Variants in MSRA observed in about 807,000 individuals in gnomAD.
The protein encoded by MSRA is mitochondrial peptide methionine sulfoxide reductase.
MSRA carries 54 observed loss-of-function variants against 31.3 expected under a neutral mutation model. That is an observed-to-expected ratio of 1.73 (90% CI 1.39 to 2.17). The LOEUF (loss-of-function observed/expected upper bound fraction) is 2.17. Ranked by LOEUF, MSRA falls within the 30% of genes most tolerant of loss-of-function variation. The probability of loss-of-function intolerance (pLI) is 0.00; values close to 1 mark genes in which losing one functional copy is unlikely to be tolerated. For missense variants in MSRA, 507 were observed against 300.9 expected (o/e 1.69, Z -5.07); for synonymous variants, 169 against 116.5 (o/e 1.45, Z -2.90).
intron 4 of MSRA, among the ~76,000 whole-genome samples, chr8:10,307,669 G>A (rs1801214478): frequency 6.6e-6 from 1 of 152,234 alleles, no homozygotes; most frequent in Non-Finnish European, 1.5e-5. Flanking sequence ...GATCTTGCCT[G>A]CTGCACAGTT....
chr8:10,168,005 G>C (rs1159268869), intron 1 of MSRA, among the ~76,000 whole-genome samples: 1 of 152,144 alleles, frequency 6.6e-6, no homozygotes, highest in Non-Finnish European at 1.5e-5. Flanking sequence ...GACTGTTTCT[G>C]ATCTTTATGA....
chr8:10,329,916 A>C (rs997454085), intron 5 of MSRA, among the ~76,000 whole-genome samples: 1 of 151,874 alleles, frequency 6.6e-6, no homozygotes, highest in Non-Finnish European at 1.5e-5. Flanking sequence ...TTTTACTGCT[A>C]TACTACTTCT....
At chr8:10,377,403 T>G (rs944781568) in intron 5 of MSRA, among the ~76,000 whole-genome samples, 2 of 152,250 alleles carry the variant, frequency 1.3e-5, no homozygotes, top group Non-Finnish European at 2.9e-5. Flanking sequence ...GCAGTCTTTT[T>G]CCATTAGCAG....
intron 5 of MSRA, among the ~76,000 whole-genome samples, chr8:10,343,342 G>A (rs1172213931): frequency 1.3e-5 from 2 of 152,222 alleles, no homozygotes; most frequent in African/African-American, 4.8e-5. Context: ...AACAATCCAT[G>A]CTGTACGTCA....
At chr8:10,148,826 G>C (rs1803393617) in intron 1 of MSRA, among the ~76,000 whole-genome samples, 2 of 46,938 alleles carry the variant, frequency 4.3e-5, no homozygotes, top group Non-Finnish European at 8.2e-5. Context: ...AGGAAACTCT[G>C]TCTCAAAAAA....
intron 5 of MSRA, chr8:10,320,432 C>T (rs1801984945): frequency 6.5e-6 from 1 of 153,254 alleles, no homozygotes; most frequent in African/African-American, 2.4e-5. Flanking sequence ...TGCACCACTG[C>T]ACTTCAGCCT....
chr8:10,380,537 C>G (rs538010063), intron 5 of MSRA, among the ~76,000 whole-genome samples: 1 of 152,260 alleles, frequency 6.6e-6, no homozygotes, highest in East Asian at 1.9e-4. Flanking sequence ...CCTGGTTAGC[C>G]CAAAGTAGAC....
intron 5 of MSRA, among the ~76,000 whole-genome samples, chr8:10,400,563 G>A (rs902352596): frequency 6.6e-6 from 1 of 152,186 alleles, no homozygotes; most frequent in Non-Finnish European, 1.5e-5. Context: ...CCTGCTTTCT[G>A]GGGCTGCTGC....
chr8:10,393,063 A>AG (rs1806864201), intron 5 of MSRA, among the ~76,000 whole-genome samples: 1 of 147,006 alleles, frequency 6.8e-6, no homozygotes, highest in Non-Finnish European at 1.5e-5. Context: ...CTCCGTCTCA[A>AG]AAAAAAAAAA....
At chr8:10,344,133 G>T (rs1382803135) in intron 5 of MSRA, among the ~76,000 whole-genome samples, 2 of 152,220 alleles carry the variant, frequency 1.3e-5, no homozygotes, top group African/African-American at 2.4e-5. Context: ...TCACCCAAAA[G>T]ATACTGGCTT....
At chr8:10,205,595 A>G (rs918504685) in intron 1 of MSRA, among the ~76,000 whole-genome samples, 4 of 152,158 alleles carry the variant, frequency 2.6e-5, no homozygotes, top group Admixed American at 6.5e-5. Context: ...GTCCTGGGAA[A>G]CCAACTACTG....
At chr8:10,350,103 T>A (rs563947741) in intron 5 of MSRA, among the ~76,000 whole-genome samples, 11 of 152,368 alleles carry the variant, frequency 7.2e-5, no homozygotes, top group South Asian at 6.2e-4. Context: ...TTTGGGGCAC[T>A]TCCTGTTCTT....
chr8:10,254,894 G>A lies in MSRA; in HGVS notation c.331+9671G>A, dbSNP rs142420466. 6.6e-5 allele frequency among the ~76,000 whole-genome samples: 10 copies of A among 152,368 alleles called. No homozygotes were observed. The East Asian group carries it at 1.9e-3, about 29-fold the overall frequency. On this transcript the variant is annotated intron_variant, in intron 3 of 5. Transcript: ENST00000317173. The stretch of plus-strand genomic sequence containing the variant: ...CTAGAGATCTGGAAGCGTTTAGATG[G>A]ATGTGATCTACAGAAACACGGGATT...
intron 5 of MSRA, among the ~76,000 whole-genome samples, chr8:10,420,653 C>G (rs1159814937): frequency 1.3e-5 from 2 of 152,014 alleles, no homozygotes; most frequent in Non-Finnish European, 2.9e-5. Context: ...CACAGGTGAT[C>G]CTGGCAGCAA....
chr8:10,400,056 G>T (rs1340790314), intron 5 of MSRA, among the ~76,000 whole-genome samples: 1 of 152,200 alleles, frequency 6.6e-6, no homozygotes, highest in Non-Finnish European at 1.5e-5. Flanking sequence ...AGCCATTTCA[G>T]TGTCTCTAAA....
At chr8:10,417,811 A>G (rs567964279) in intron 5 of MSRA, among the ~76,000 whole-genome samples, 1 of 100,280 alleles carries the variant, frequency 1.0e-5, no homozygotes, top group African/African-American at 3.7e-5. Flanking sequence ...CACGCAGGAC[A>G]AGCATAGCAT....
At chr8:10,083,119 C>G (rs1410655649) in intron 1 of MSRA, among the ~76,000 whole-genome samples, 1 of 152,136 alleles carries the variant, frequency 6.6e-6, no homozygotes, top group Non-Finnish European at 1.5e-5. Flanking sequence ...TGACTCTCAT[C>G]CAACTTATCA....
chr8:10,373,791 C>T lies in MSRA; in HGVS notation c.543+53802C>T, dbSNP rs554706767. 2.3e-4 allele frequency among the ~76,000 whole-genome samples: 35 copies of T among 152,328 alleles called. 1 individual carries two copies. The highest frequency in any genetic ancestry group is 6.7e-4 in the African/African-American group (28 of 41,582). ...CAGATGATGACCGCACTTTGGAGCC[C>T]AGCAGAGGAGCTTAGACCTGGTAGG... On this transcript the variant is annotated intron_variant, in intron 5 of 5. Coordinates refer to ENST00000317173, the MANE Select transcript of MSRA (RefSeq NM_012331.5).
intron 3 of MSRA, among the ~76,000 whole-genome samples, chr8:10,257,443 G>A (rs539851582): frequency 4.7e-4 from 71 of 152,210 alleles, no homozygotes; most frequent in African/African-American, 1.7e-3. Context: ...TTTCGCTCTT[G>A]TTGCCCAGGC....
Sources: gnomAD v4.1 joint callset for allele counts (sites outside exome capture counted in the v4.1 genomes callset) on GRCh38, gnomAD v4.1.1 for gene constraint, MANE v1.5 for transcripts, NCBI Gene and HGNC (gene_info 2026-07-23, HGNC 2026-07-21) for gene names.